Variants in RABGAP1L observed in about 807,000 individuals in gnomAD.
RABGAP1L encodes the protein rab GTPase-activating protein 1-like.
In RABGAP1L, 63 loss-of-function variants were observed where a neutral mutation model predicts 137.7. The ratio of observed to expected loss-of-function variants is 0.46; its 90% CI spans 0.37 to 0.56. The LOEUF is 0.56. RABGAP1L is among the 20% of genes least tolerant of loss of function. RABGAP1L has a pLI of 0.00. For missense variants in RABGAP1L, 1,095 were observed against 1,244.0 expected, an observed-to-expected ratio of 0.88 and a Z score of 1.80; for synonymous variants, 431 against 433.7, an observed-to-expected ratio of 0.99 and a Z score of 0.08.
chr1:174,369,728 G>A (rs188706101), intron 11 of RABGAP1L, among the ~76,000 whole-genome samples: 5 of 152,228 alleles, frequency 3.3e-5, no homozygotes, highest in Non-Finnish European at 4.4e-5. Flanking sequence ...CTTATTACAA[G>A]CTTCATACAG....
chr1:174,600,961 C>T (rs981746260), intron 13 of RABGAP1L, among the ~76,000 whole-genome samples: 1 of 152,232 alleles, frequency 6.6e-6, no homozygotes, highest in African/African-American at 2.4e-5. Context: ...GAGGGCCCCA[C>T]CCTGAAGCAA....
intron 19 of RABGAP1L, among the ~76,000 whole-genome samples, chr1:174,880,674 C>G (rs1488317519): frequency 6.6e-6 from 1 of 151,760 alleles, no homozygotes; most frequent in African/African-American, 2.4e-5. Flanking sequence ...ACTGCAGCCT[C>G]AAAGTCCTGG....
rs548530400 is a variant in RABGAP1L at position 174,816,914 on chromosome 1, A to G, written c.2340+4954A>G. ...CCTGGCTAATTTTTTGTGTTTTAGT[A>G]GATTCAGGGTTTCACCATGTTGGCC... is the stretch of plus-strand genomic sequence containing the variant. On this transcript the variant is annotated intron_variant, in intron 19 of 25. Coordinates refer to ENST00000681986, the MANE Select transcript of RABGAP1L (RefSeq NM_001366446.1). Among the ~76,000 whole-genome samples the G allele has an allele frequency of 6.8e-4, 104 of 152,068 alleles. 2 individuals are homozygous for G. The highest frequency in any genetic ancestry group is 3.4e-3 in the Admixed American group (52 of 15,270).
chr1:174,760,113 A>G (rs1374225293), intron 18 of RABGAP1L, among the ~76,000 whole-genome samples: 1 of 152,134 alleles, frequency 6.6e-6, no homozygotes, highest in Non-Finnish European at 1.5e-5. Context: ...GGGTGACTGC[A>G]CTTTCCCCAT....
chr1:174,888,832 A>G (rs2149111040), intron 19 of RABGAP1L, among the ~76,000 whole-genome samples: 1 of 152,210 alleles, frequency 6.6e-6, no homozygotes, highest in East Asian at 1.9e-4. Flanking sequence ...TTTCCAGCCC[A>G]GCATTGTGCC....
chr1:174,469,503 T>C (rs1394466896), intron 13 of RABGAP1L, among the ~76,000 whole-genome samples: 1 of 152,210 alleles, frequency 6.6e-6, no homozygotes, highest in African/African-American at 2.4e-5. Flanking sequence ...ATATCTACAA[T>C]GTGAGTCTCT....
intron 14 of RABGAP1L, among the ~76,000 whole-genome samples, chr1:174,639,115 A>T (rs1674317290): frequency 6.6e-6 from 1 of 150,588 alleles, no homozygotes; most frequent in Non-Finnish European, 1.5e-5. Flanking sequence ...CACGACTTTC[A>T]TTAAAGTCCT....
rs559676249 is a variant in RABGAP1L, at chr1:174,718,870, G to A, written c.2169+16614G>A. The stretch of plus-strand genomic sequence containing the variant: ...TTTTTTTTTTTTGAGACAGAGTTTC[G>A]CTCTTGTTGCCCAGGCTGGAGTGCA... On this transcript the variant is annotated intron_variant, in intron 17 of 25. Transcript: ENST00000681986. 1.1e-4 allele frequency among the ~76,000 whole-genome samples: 15 copies of A among 134,716 alleles called. No homozygotes were observed. The East Asian group carries it at 3.2e-3, about 29-fold the overall frequency. The allele number at this position is 134,716 out of a possible 152,430, so 88.4% of individuals were successfully genotyped here.
At chr1:174,766,786 A>C (rs1685703821) in intron 18 of RABGAP1L, among the ~76,000 whole-genome samples, 1 of 152,174 alleles carries the variant, frequency 6.6e-6, no homozygotes, top group Non-Finnish European at 1.5e-5. Flanking sequence ...TGAAAAAACA[A>C]ATTCAGCCCA....
intron 18 of RABGAP1L, among the ~76,000 whole-genome samples, chr1:174,775,211 T>C (rs1405618149): frequency 6.6e-6 from 1 of 152,154 alleles, no homozygotes; most frequent in Non-Finnish European, 1.5e-5. Context: ...AAAAATTTTG[T>C]CCATGGCCAC....
intron 14 of RABGAP1L, among the ~76,000 whole-genome samples, chr1:174,650,191 A>G (rs1253501024): frequency 5.3e-5 from 8 of 152,124 alleles, no homozygotes; most frequent in Admixed American, 5.2e-4. Context: ...AGCCCACTTG[A>G]TCATGGTGGA....
intron 21 of RABGAP1L, among the ~76,000 whole-genome samples, chr1:174,973,483 C>T (rs546731877): frequency 1.3e-5 from 2 of 149,256 alleles, no homozygotes; most frequent in South Asian, 2.1e-4. Context: ...CTCCTGGTTT[C>T]GAGCAATTCT....
chr1:174,683,052 A>G (rs1678197902), intron 14 of RABGAP1L, among the ~76,000 whole-genome samples: 1 of 143,956 alleles, frequency 6.9e-6, no homozygotes, highest in African/African-American at 2.7e-5. Flanking sequence ...TGGAGGTTCT[A>G]AAGGGGTTTT....
chr1:174,287,771 G>A (rs1676197481), intron 10 of RABGAP1L, among the ~76,000 whole-genome samples: 1 of 152,160 alleles, frequency 6.6e-6, no homozygotes, highest in African/African-American at 2.4e-5. Flanking sequence ...GAGATTACAG[G>A]TGTGAGCCAT....
chr1:174,635,622 A>C (rs1256716109), intron 13 of RABGAP1L, among the ~76,000 whole-genome samples: 2 of 148,700 alleles, frequency 1.3e-5, no homozygotes, highest in East Asian at 3.9e-4. Flanking sequence ...CTTTTACTGA[A>C]GTTATGGTGA....
chr1:174,327,956 AATATATATATATAT>A (rs1180255952), intron 11 of RABGAP1L, among the ~76,000 whole-genome samples: 1 of 97,970 alleles, frequency 1.0e-5, no homozygotes, highest in African/African-American at 4.5e-5. Flanking sequence ...AACAGTTGTA[AATATATATATATAT>A]ATATATATAC....
intron 1 of RABGAP1L, among the ~76,000 whole-genome samples, chr1:174,178,473 C>G (rs1027048306): frequency 6.6e-6 from 1 of 152,162 alleles, no homozygotes; most frequent in Non-Finnish European, 1.5e-5. Context: ...CCAGCAATCT[C>G]ATTACTGGGT....
chr1:174,198,136 A>G (rs993231165), intron 1 of RABGAP1L, among the ~76,000 whole-genome samples: 1 of 152,230 alleles, frequency 6.6e-6, no homozygotes, highest in Admixed American at 6.5e-5. Context: ...AGTCTAATAT[A>G]TAGTGATTAT....
At position 174,614,976 on chromosome 1, in the gene RABGAP1L, T is replaced by C. The variant is rs1247678834; in HGVS notation, c.1711-22399T>C. Among the ~76,000 whole-genome samples, 12 of 152,268 alleles carry C rather than the reference T, an allele frequency of 7.9e-5. No individual in the cohort carries two copies. The East Asian group carries it at 2.1e-3, about 27-fold the overall frequency. ...ATATTGGTTATTCTAGTTATACATTTGTCTAAATTTTTTTCAAAGTTATTA... is the reference window on the plus strand; with the variant it reads ...ATATTGGTTATTCTAGTTATACATTCGTCTAAATTTTTTTCAAAGTTATTA... On this transcript the variant is annotated intron_variant, in intron 13 of 25. Coordinates refer to ENST00000681986, the MANE Select transcript of RABGAP1L (RefSeq NM_001366446.1).
Sources: allele counts gnomAD v4.1 joint callset (sites outside exome capture counted in the v4.1 genomes callset), GRCh38; gene constraint gnomAD v4.1.1; transcripts MANE v1.5; gene names NCBI Gene and HGNC (gene_info 2026-07-23, HGNC 2026-07-21).